The following MACF1 variants were observed in gnomAD, a reference collection of about 807,000 sequenced individuals.
MACF1 encodes microtubule actin crosslinking factor 1, also known as microtubule-actin cross-linking factor 1.
Under a neutral mutation model 854.8 loss-of-function variants are expected in MACF1, and 193 were observed. That is an observed-to-expected ratio of 0.23 (90% CI 0.20 to 0.25). The LOEUF (loss-of-function observed/expected upper bound fraction) is 0.25, where lower values mean the gene tolerates loss of function less well. Ranked by LOEUF, MACF1 falls within the 10% of genes least tolerant of loss-of-function variation. MACF1 has a pLI of 1.00. For synonymous variants in MACF1, 3,185 were observed against 3,226.7 expected (o/e 0.99, Z 0.44); for missense variants, 7,722 against 8,929.1 (o/e 0.86, Z 5.45).
chr1:39,273,199 C>G (rs530967744), intron 6 of MACF1, among the ~76,000 whole-genome samples: 7 of 144,030 alleles, frequency 4.9e-5, no homozygotes, highest in Non-Finnish European at 1.0e-4. Context: ...TGCAGTGGTG[C>G]GATCTCGGCT....
intron 2 of MACF1, among the ~76,000 whole-genome samples, chr1:39,245,994 ACTTT>A (rs1644977520): frequency 6.6e-6 from 1 of 152,186 alleles, no homozygotes; most frequent in Non-Finnish European, 1.5e-5. Context: ...AAGTTAAAAA[ACTTT>A]CTTAGTCTTT....
intron 36 of MACF1, among the ~76,000 whole-genome samples, chr1:39,329,345 T>TC (rs1646675608): frequency 6.6e-6 from 1 of 152,232 alleles, no homozygotes; most frequent in Non-Finnish European, 1.5e-5. Context: ...AAGCTTGAAA[T>TC]CCTCAGTGCG....
chr1:39,418,449 G>GAGAGT (rs1473710782), intron 58 of MACF1, among the ~76,000 whole-genome samples: 1 of 152,206 alleles, frequency 6.6e-6, no homozygotes, highest in Non-Finnish European at 1.5e-5. Context: ...AGAAAGAGAA[G>GAGAGT]AGAGTCCAGG....
Position 39,212,255 on chromosome 1 carries a change from A to G in MACF1, c.109+7124A>G, listed in dbSNP as rs530580357. On this transcript the variant is annotated intron_variant, in intron 1 of 100. Coordinates refer to ENST00000564288, the MANE Select transcript of MACF1 (RefSeq NM_001394062.1). ...ATGGCTCGGATGACTCTACTGGCCCATCTCCTCTGGATAGTTAAGAGCTGA... is the reference window on the plus strand; with the variant it reads ...ATGGCTCGGATGACTCTACTGGCCCGTCTCCTCTGGATAGTTAAGAGCTGA... Among the ~76,000 whole-genome samples the G allele has an allele frequency of 2.6e-5, 4 of 152,274 alleles. No homozygotes were observed. The South Asian group carries it at 8.3e-4, about 32-fold the overall frequency.
chr1:39,123,742 G>A (rs775845458), intron 2 of MACF1, among the ~76,000 whole-genome samples: 2 of 79,600 alleles, frequency 2.5e-5, no homozygotes, highest in Admixed American at 1.9e-4. Context: ...TTTTTTGTCC[G>A]AGGCAGAGTC....
chr1:39,312,277 T>C (rs1219317990), intron 26 of MACF1, among the ~76,000 whole-genome samples: 1 of 152,196 alleles, frequency 6.6e-6, no homozygotes, highest in Non-Finnish European at 1.5e-5. Flanking sequence ...AAACTTTATT[T>C]TAAAATAATT....
At chr1:39,285,501 T>C (rs773759191) in intron 13 of MACF1, 103 bp from the exon 14 acceptor site, 226 of 213,420 alleles carry the variant, frequency 1.1e-3, no homozygotes, top group Middle Eastern at 1.5e-3. Flanking sequence ...ATTATTTCCC[T>C]TTTTTTTTTT....
At chr1:39,412,164 G>A in intron 58 of MACF1, 1 of 1,613,954 alleles carries the variant, frequency 6.2e-7, no homozygotes, top group South Asian at 1.1e-5. Context: ...GTTTGTCCCA[G>A]GGAGACTGCA....
intron 58 of MACF1, among the ~76,000 whole-genome samples, chr1:39,388,872 CTTT>C (rs548104092): frequency 1.0e-4 from 9 of 87,234 alleles, no homozygotes; most frequent in African/African-American, 3.5e-4. Flanking sequence ...TCTTCTTCTT[CTTT>C]TTTTTTTTTT....
intron 66 of MACF1, 47 bp from the exon 67 acceptor site, chr1:39,432,488 A>C (rs776548828): frequency 2.5e-6 from 4 of 1,595,982 alleles, no homozygotes; most frequent in Non-Finnish European, 3.4e-6. Context: ...TTATGTGGAG[A>C]CTTGGCTGTA....
At position 39,454,996 on chromosome 1, in the gene MACF1, C is replaced by G. The variant is rs202135814; in HGVS notation, c.20974C>G (p.Leu6992Val). 2 of 1,614,026 alleles carry G rather than the reference C, an allele frequency of 1.2e-6. No individual in the cohort carries two copies. The highest frequency in any genetic ancestry group is 1.7e-5 in the Admixed American group (1 of 59,994). The change falls in exon 89 of 101, where the codon CTG becomes GTG. Residue 6992 changes from leucine to valine, a missense_variant. Transcript: ENST00000564288. ...TAATGCTGAGCTCCTGGAAGAACTT[C>G]TGGCATGGATCCAGTGGGCTGAGAC... ...VANAELLEELLAWIQWAETTL... is the reference protein window; with the variant it reads ...VANAELLEELVAWIQWAETTL...
At position 39,409,149 on chromosome 1, in the gene MACF1, G is replaced by A. The variant is rs1309448355; in HGVS notation, c.15817-13225G>A. Among the ~76,000 whole-genome samples the A allele has an allele frequency of 6.6e-6, 1 of 151,906 alleles. No individual in the cohort carries two copies. The highest frequency in any genetic ancestry group is 1.5e-5 in the Non-Finnish European group (1 of 67,940). ...AGGACTCGCCCCCCGCCCGACCCTA[G>A]CGGAGCCTTTTGTTCCCAGCCAGAA... On this transcript the variant is annotated intron_variant, in intron 58 of 100. Transcript: ENST00000564288. This position sits in a 1 kb window ranked among gnomAD's most constrained non-coding sequence, Gnocchi z 4.2.
At chr1:39,131,005 C>T (rs945631418) in intron 2 of MACF1, among the ~76,000 whole-genome samples, 2 of 151,806 alleles carry the variant, frequency 1.3e-5, no homozygotes, top group African/African-American at 4.8e-5. Context: ...CGTGTGCCAC[C>T]ATGCCTGGCT....
At chr1:39,247,757 G>C (rs1450476619) in intron 2 of MACF1, among the ~76,000 whole-genome samples, 1 of 152,246 alleles carries the variant, frequency 6.6e-6, no homozygotes, top group Non-Finnish European at 1.5e-5. Flanking sequence ...TGTGGGCCGG[G>C]TGTGGTGGCT....
intron 57 of MACF1, among the ~76,000 whole-genome samples, chr1:39,386,861 G>A (rs1238572718): frequency 3.9e-5 from 6 of 152,114 alleles, no homozygotes; most frequent in Admixed American, 2.0e-4. Flanking sequence ...CACTGCACCC[G>A]GCTGCTTCTG....
At chr1:39,251,051 T>A (rs1645035056) in intron 3 of MACF1, among the ~76,000 whole-genome samples, 1 of 152,200 alleles carries the variant, frequency 6.6e-6, no homozygotes, top group Non-Finnish European at 1.5e-5. Flanking sequence ...CCTTTCTTAG[T>A]CATTGTTTGT....
chr1:39,302,231 C>G (rs1339795830), intron 22 of MACF1, among the ~76,000 whole-genome samples: 1 of 152,142 alleles, frequency 6.6e-6, no homozygotes, highest in African/African-American at 2.4e-5. Flanking sequence ...CTCCTGGGCT[C>G]AAGCAGCCTG....
chr1:39,327,349 A>G lies in MACF1; in HGVS notation c.4610A>G (p.Gln1537Arg). Residue 1537 changes from glutamine (Q) to arginine (R), a missense_variant, in exon 36 of 101, where the codon CAA becomes CGA. Physicochemically the swap from Gln to Arg is conservative, Grantham distance 43 (BLOSUM62 1). Around this residue, in one of 15 missense-constraint regions of MACF1, gnomAD observed 1,531 missense variants for 1,601.6 expected, o/e 0.96. Coordinates refer to ENST00000564288, the MANE Select transcript of MACF1 (RefSeq NM_001394062.1). ...LQSQLAHQTEQKECRAVAGVI... is the reference protein window; with the variant it reads ...LQSQLAHQTERKECRAVAGVI... The stretch of plus-strand genomic sequence containing the variant: ...AGCCAGTTGGCTCACCAGACAGAAC[A>G]AAAGGTACTTTTAGTTTTCATCTCC... The G allele has an allele frequency of 6.3e-7, 1 of 1,592,612 alleles. No homozygotes were observed. Among genetic ancestry groups the G allele is most frequent in the Non-Finnish European group, 8.6e-7 (1 of 1,163,682 alleles).
chr1:39,109,465 T>TG (rs749191784), intron 2 of MACF1, among the ~76,000 whole-genome samples: 7 of 151,992 alleles, frequency 4.6e-5, no homozygotes, highest in South Asian at 4.2e-4. Context: ...TTAGTAGAGA[T>TG]GGGGTTTCAC....
Sources: gnomAD v4.1 joint callset for allele counts (sites outside exome capture counted in the v4.1 genomes callset) on GRCh38, gnomAD v4.1.1 for gene constraint, gnomAD v4.1.1 regional missense constraint, Gnocchi (gnomAD v3.1) non-coding constraint, MANE v1.5 for transcripts, NCBI Gene and HGNC (gene_info 2026-07-23, HGNC 2026-07-21) for gene names.